Variants in CFAP74 observed in about 807,000 individuals in gnomAD.
CFAP74 encodes cilia and flagella associated protein 74, also known as cilia- and flagella-associated protein 74.
Under a neutral mutation model 188.9 loss-of-function variants are expected in CFAP74, and 124 were observed. That is an observed-to-expected ratio of 0.66 (90% CI 0.57 to 0.76). The LOEUF (loss-of-function observed/expected upper bound fraction) is 0.76. Among genes scored for constraint, CFAP74 ranks in the 30% least tolerant of loss-of-function variants. The pLI, the probability that CFAP74 is intolerant of heterozygous loss-of-function variation, is 0.00. For missense variants in CFAP74, 2,198 were observed against 2,165.2 expected (o/e 1.02, Z -0.30); for synonymous variants, 956 against 916.7 (o/e 1.04, Z -0.77).
intron 25 of CFAP74, among the ~76,000 whole-genome samples, chr1:1,937,809 G>A (rs987752228): frequency 6.9e-6 from 1 of 144,268 alleles, no homozygotes; most frequent in African/African-American, 2.6e-5. Context: ...CTGGCTGGTC[G>A]CACAAGACCT....
rs189430145 is a variant in CFAP74 at position 1,958,637 on chromosome 1, T to C, written c.1851+483A>G. Reference sequence around the variant, plus strand: ...TTTTACTAATGTACTTTGAAATGGATCAGCAACAACAGATATAGCAGTTGA... The same window carrying C: ...TTTTACTAATGTACTTTGAAATGGACCAGCAACAACAGATATAGCAGTTGA... On this transcript the variant is annotated intron_variant, in intron 16 of 38. Coordinates refer to ENST00000682832, the MANE Select transcript of CFAP74 (RefSeq NM_001304360.2). 2.1e-3 allele frequency among the ~76,000 whole-genome samples: 320 copies of C among 150,408 alleles called. 2 individuals carry two copies. The highest frequency in any genetic ancestry group is 7.7e-3 in the African/African-American group (307 of 39,814).
chr1:1,985,551 A>T (rs1657181676), intron 5 of CFAP74, 61 bp from the exon 6 acceptor site: 1 of 1,345,592 alleles, frequency 7.4e-7, no homozygotes, highest in Admixed American at 1.7e-5. Flanking sequence ...GGGGCCATCC[A>T]GGTTCACCTG....
chr1:1,985,300 A>C lies in CFAP74; in HGVS notation c.500+86T>G. 4 of 1,169,056 alleles carry C rather than the reference A, an allele frequency of 3.4e-6. No individual in the cohort carries two copies. In the South Asian group the frequency reaches 3.7e-5, roughly 11 times the overall value. The allele number at this position is 1,169,056 out of a possible 1,614,324, so 72.4% of individuals were successfully genotyped here. ...TTGCCGGTCAGGTGCAAAACCCCCC[A>C]GATCTTGCTCTCTGCCCCCAGATGG... On this transcript the variant is annotated intron_variant, in intron 6 of 38. Coordinates refer to ENST00000682832, the MANE Select transcript of CFAP74 (RefSeq NM_001304360.2).
At chr1:1,953,919 C>A (rs535375462) in intron 18 of CFAP74, 3 of 152,344 alleles carry the variant, frequency 2.0e-5, no homozygotes, top group African/African-American at 7.2e-5. Flanking sequence ...GGCCCAGCCA[C>A]AGACTCGGAG....
Position 1,923,582 on chromosome 1 carries a change from AG to A in CFAP74, c.4390-84del. On this transcript the variant is annotated intron_variant, in intron 35 of 38. Coordinates refer to ENST00000682832, the MANE Select transcript of CFAP74 (RefSeq NM_001304360.2). The surrounding 1 kb of genome is among the most constrained non-coding windows in gnomAD (Gnocchi z 6.3). ...GGTGAGAGCTGGGCTGGCTCAGGGA[AG>A]GAAGCAGGGACGGCCTGGGGGCCCC... 6.4e-7 allele frequency: 1 copy of A among 1,562,660 alleles called. No individual in the cohort carries two copies. The highest frequency in any genetic ancestry group is 8.7e-7 in the Non-Finnish European group (1 of 1,153,298).
At chr1:1,969,016 C>T (rs1655691092) in intron 10 of CFAP74, among the ~76,000 whole-genome samples, 183 bp from the exon 11 acceptor site, 1 of 151,980 alleles carries the variant, frequency 6.6e-6, no homozygotes, top group Non-Finnish European at 1.5e-5. Flanking sequence ...CTCCATCCTA[C>T]CCAGCAGGGC....
chr1:1,955,966 T>C, intron 17 of CFAP74, 116 bp from the exon 18 acceptor site: 2 of 1,449,478 alleles, frequency 1.4e-6, no homozygotes, highest in Non-Finnish European at 1.8e-6. Context: ...GGCTCCAGCG[T>C]GGCCCCTCAG....
At chr1:1,984,020 C>T (rs1315744190) in intron 6 of CFAP74, 2 of 149,386 alleles carry the variant, frequency 1.3e-5, no homozygotes, top group African/African-American at 5.0e-5. Flanking sequence ...CAGAGTCTTG[C>T]TCACTCTGTC....
At chr1:1,974,220 G>C (rs754661439) in intron 6 of CFAP74, 22 bp from the exon 7 acceptor site, 2 of 1,571,306 alleles carry the variant, frequency 1.3e-6, no homozygotes, top group East Asian at 4.6e-5. Context: ...AGGCAAAGCA[G>C]CTGGAGACGG....
intron 12 of CFAP74, among the ~76,000 whole-genome samples, chr1:1,965,590 G>T (rs1192192481): frequency 2.6e-5 from 4 of 152,146 alleles, no homozygotes; most frequent in Non-Finnish European, 5.9e-5. Flanking sequence ...CTGGCTCTGG[G>T]CTGTGGGCTG....
chr1:1,940,379 C>T lies in CFAP74; in HGVS notation c.2640G>A (p.Gly880=). ...LPRHSLPEDA[G]RYFDKETRVL... is the part of the protein sequence containing the mutation. ...CTCGGGTCTCCTTGTCAAAATACCTCCCTGCGTCCTCCGGGAGGGAGTGTC... is the reference window on the plus strand; with the variant it reads ...CTCGGGTCTCCTTGTCAAAATACCTTCCTGCGTCCTCCGGGAGGGAGTGTC... The change falls in exon 23 of 39, where the codon GGG becomes GGA. Residue 880 remains glycine (G), a synonymous_variant. Transcript: ENST00000682832. 1 of 1,534,478 alleles carries T rather than the reference C, an allele frequency of 6.5e-7. No individual in the cohort carries two copies. The highest frequency in any genetic ancestry group is 8.7e-7 in the Non-Finnish European group (1 of 1,146,186).
intron 11 of CFAP74, 66 bp from the exon 12 acceptor site, chr1:1,966,592 G>A: frequency 7.4e-7 from 1 of 1,357,914 alleles, no homozygotes; most frequent in Non-Finnish European, 9.6e-7. Context: ...GAGAAACTCG[G>A]CCCAGCCCCC....
At chr1:1,928,721 GGAGT>G in intron 27 of CFAP74, 59 bp downstream of exon 27, 6 of 1,273,356 alleles carry the variant, frequency 4.7e-6, no homozygotes, top group Non-Finnish European at 6.6e-6. Context: ...CGAAGGCGGT[GGAGT>G]TTGTTCCTGC....
At chr1:1,933,427 G>A (rs1471480337) in intron 25 of CFAP74, among the ~76,000 whole-genome samples, 3 of 147,958 alleles carry the variant, frequency 2.0e-5, no homozygotes, top group South Asian at 2.2e-4. Context: ...TGATCCGCCC[G>A]CCTCGGCCTC....
intron 9 of CFAP74, 125 bp downstream of exon 9, chr1:1,971,855 C>T (rs1404571207): frequency 7.0e-6 from 5 of 715,150 alleles, no homozygotes; most frequent in Non-Finnish European, 1.2e-5. Flanking sequence ...CTCCAGGGGT[C>T]ACCAAGTGCG....
chr1:1,940,920 G>A (rs1439583532), intron 22 of CFAP74, among the ~76,000 whole-genome samples: 2 of 152,142 alleles, frequency 1.3e-5, no homozygotes, highest in Non-Finnish European at 2.9e-5. Context: ...AGACCATCCT[G>A]CCTAACACGG....
In CFAP74 at chr1:1,938,885, A is replaced by C; in HGVS notation, c.2981T>G (p.Phe994Cys). ...GATCTCAGACTTGCAGGTCAGTTGG[A>C]ATCTGTGTTCCTCGGCCTTGGTGGG... ...FQPTKAEEHR[F>C]QLTCKSEINR... Residue 994 changes from phenylalanine to cysteine, a missense_variant, in exon 25 of 39, where the codon TTC (phenylalanine) becomes TGC (cysteine). Transcript: ENST00000682832. The C allele has an allele frequency of 6.5e-7, 1 of 1,536,164 alleles. No homozygotes were observed. Among genetic ancestry groups the C allele is most frequent in the Non-Finnish European group, 8.7e-7 (1 of 1,146,912 alleles).
rs112647540 is a variant in CFAP74 at position 1,971,399 on chromosome 1, G to A, written c.888+581C>T. Among the ~76,000 whole-genome samples, 906 of 149,820 alleles carry A rather than the reference G, an allele frequency of 6.0e-3. 21 individuals carry two copies. The East Asian group carries it at 0.087, about 14-fold the overall frequency. On this transcript the variant is annotated intron_variant, in intron 9 of 38. Coordinates refer to ENST00000682832, the MANE Select transcript of CFAP74 (RefSeq NM_001304360.2). ...CACACATGCACACACGTGCACACACGGTCACACATGCACACATGCACACAC... is the reference window on the plus strand; with the variant it reads ...CACACATGCACACACGTGCACACACAGTCACACATGCACACATGCACACAC...
Position 1,972,220 on chromosome 1 carries a change from A to T in CFAP74, c.786-138T>A, listed in dbSNP as rs41307850. 4.9e-3 allele frequency: 3,252 copies of T among 669,090 alleles called. 50 individuals carry two copies. Among genetic ancestry groups the T allele is most frequent in the African/African-American group, 0.027 (1,517 of 56,550 alleles). The allele number at this position is 669,090 out of a possible 1,614,324, so 41.4% of individuals were successfully genotyped here. On this transcript the variant is annotated intron_variant, in intron 8 of 38. Transcript: ENST00000682832. ...CTCAGCCTCCCAAAGCGCTGGGATCACAGGCATGCACCACCACAAACGGCC... is the reference window on the plus strand; with the variant it reads ...CTCAGCCTCCCAAAGCGCTGGGATCTCAGGCATGCACCACCACAAACGGCC...
Sources: gnomAD v4.1 joint callset for allele counts (sites outside exome capture counted in the v4.1 genomes callset) on GRCh38, gnomAD v4.1.1 for gene constraint, Gnocchi (gnomAD v3.1) non-coding constraint, MANE v1.5 for transcripts, NCBI Gene and HGNC (gene_info 2026-07-23, HGNC 2026-07-21) for gene names.